The following TMEM161B variants were observed in gnomAD, a reference collection of about 807,000 sequenced individuals.
TMEM161B encodes transmembrane protein 161B.
In TMEM161B, 34 loss-of-function variants were observed where a neutral mutation model predicts 61.8. The ratio of observed to expected loss-of-function variants is 0.55; its 90% CI spans 0.42 to 0.73. The LOEUF is 0.73. TMEM161B is among the 30% of genes least tolerant of loss of function. TMEM161B has a pLI of 0.00. For missense variants in TMEM161B, 456 were observed against 558.5 expected, an observed-to-expected ratio of 0.82 and a Z score of 1.85; for synonymous variants, 167 against 192.8, an observed-to-expected ratio of 0.87 and a Z score of 1.11.
At chr5:88,252,851 A>G (rs1485911608) in intron 1 of TMEM161B, among the ~76,000 whole-genome samples, 1 of 152,190 alleles carries the variant, frequency 6.6e-6, no homozygotes, top group Non-Finnish European at 1.5e-5. Context: ...TTTGTCACTT[A>G]ACATACAGTG....
At chr5:88,233,921 C>A (rs1037100165) in intron 2 of TMEM161B, among the ~76,000 whole-genome samples, 1 of 151,610 alleles carries the variant, frequency 6.6e-6, no homozygotes, top group East Asian at 1.9e-4. Context: ...TTAATAAAAC[C>A]AACTAAAAAG....
intron 1 of TMEM161B, among the ~76,000 whole-genome samples, chr5:88,248,765 A>G (rs1753950537): frequency 6.6e-6 from 1 of 151,910 alleles, no homozygotes; most frequent in African/African-American, 2.4e-5. Context: ...ATCCAAGAAG[A>G]CAAAAAAGCT....
At chr5:88,267,151 T>A (rs1756484175) in intron 1 of TMEM161B, among the ~76,000 whole-genome samples, 1 of 152,218 alleles carries the variant, frequency 6.6e-6, no homozygotes, top group Non-Finnish European at 1.5e-5. Context: ...TAGTCCAGAC[T>A]GCCAAACTAC....
intron 4 of TMEM161B, among the ~76,000 whole-genome samples, chr5:88,223,658 C>T (rs970698471): frequency 2.0e-5 from 3 of 152,008 alleles, no homozygotes; most frequent in South Asian, 2.1e-4. Context: ...GAGGCCGAGG[C>T]GGGCAGATCA....
intron 5 of TMEM161B, among the ~76,000 whole-genome samples, chr5:88,211,280 T>C (rs1020082752): frequency 1.3e-5 from 2 of 152,004 alleles, no homozygotes; most frequent in African/African-American, 4.8e-5. Context: ...CATATTTTTA[T>C]TTAGAGATAT....
rs529870256 is a variant in TMEM161B, at chr5:88,239,063, T to C, written c.107+1750A>G. 5.5e-4 allele frequency among the ~76,000 whole-genome samples: 84 copies of C among 152,134 alleles called. 1 individual carries two copies. Among genetic ancestry groups the C allele is most frequent in the South Asian group, 2.5e-3 (12 of 4,826 alleles). Reference sequence around the variant, plus strand: ...CAATTTCGTGTTTCTTTTTAAAGGCTGAGCTTACTCTCAAATTATCTATGT... The same window carrying C: ...CAATTTCGTGTTTCTTTTTAAAGGCCGAGCTTACTCTCAAATTATCTATGT... On this transcript the variant is annotated intron_variant, in intron 2 of 11. Coordinates refer to ENST00000296595, the MANE Select transcript of TMEM161B (RefSeq NM_153354.5).
At chr5:88,234,520 G>A (rs1218231305) in intron 2 of TMEM161B, among the ~76,000 whole-genome samples, 1 of 152,068 alleles carries the variant, frequency 6.6e-6, no homozygotes, top group African/African-American at 2.4e-5. Context: ...ACATAGCATG[G>A]TTCCCAGCTA....
chr5:88,197,556 C>G (rs1197073842), intron 11 of TMEM161B, 113 bp downstream of exon 11: 2 of 937,412 alleles, frequency 2.1e-6, no homozygotes, highest in Non-Finnish European at 3.2e-6. Context: ...CTTTTTACAA[C>G]TTTTAAAAAG....
chr5:88,230,873 G>T (rs1750871648), intron 2 of TMEM161B, among the ~76,000 whole-genome samples: 1 of 152,164 alleles, frequency 6.6e-6, no homozygotes, highest in South Asian at 2.1e-4. Flanking sequence ...ATAGCTGCAG[G>T]ATGGAGCTGA....
chr5:88,237,392 T>C (rs1752028087), intron 2 of TMEM161B, among the ~76,000 whole-genome samples: 1 of 152,040 alleles, frequency 6.6e-6, no homozygotes, highest in South Asian at 2.1e-4. Flanking sequence ...GACTCCAAGG[T>C]AGCAGGGGGA....
intron 9 of TMEM161B, chr5:88,202,095 G>T (rs1251261217): frequency 2.2e-6 from 1 of 452,326 alleles, no homozygotes; most frequent in Admixed American, 2.4e-5. Flanking sequence ...TGATAACCTT[G>T]TGAGTTAGAT....
At chr5:88,204,003 A>G (rs902917592) in intron 8 of TMEM161B, among the ~76,000 whole-genome samples, 1 of 151,772 alleles carries the variant, frequency 6.6e-6, no homozygotes, top group Non-Finnish European at 1.5e-5. Context: ...TTCATTATCA[A>G]CCACACTTAA....
At chr5:88,199,698 C>T (rs1744010243) in intron 9 of TMEM161B, 1 of 152,106 alleles carries the variant, frequency 6.6e-6, no homozygotes, top group Non-Finnish European at 1.5e-5. Flanking sequence ...TTGAAGCTGG[C>T]TCGGTTCTGA....
downstream of TMEM161B, among the ~76,000 whole-genome samples, chr5:88,185,943 A>G (rs1231326990): frequency 6.6e-6 from 1 of 152,216 alleles, no homozygotes; most frequent in African/African-American, 2.4e-5. Context: ...TCTAATTCTC[A>G]AATTGGAGGG....
chr5:88,241,012 A>G, intron 1 of TMEM161B, 96 bp from the exon 2 acceptor site: 1 of 787,352 alleles, frequency 1.3e-6, no homozygotes, highest in Non-Finnish European at 1.9e-6. Flanking sequence ...TTACATTTTA[A>G]GAAAAATGAG....
At chr5:88,207,294 G>T (rs1745698539) in intron 5 of TMEM161B, 114 bp from the exon 6 acceptor site, 2 of 1,010,588 alleles carry the variant, frequency 2.0e-6, no homozygotes, top group Non-Finnish European at 2.8e-6. Flanking sequence ...TTTCCAAGTG[G>T]AGTTTAAAAC....
rs540916820 is a variant in TMEM161B at position 88,243,175 on chromosome 5, T to C, written c.4-2259A>G. Among the ~76,000 whole-genome samples the C allele has an allele frequency of 1.1e-4, 16 of 151,866 alleles. No homozygotes were observed. The South Asian group carries it at 3.3e-3, about 31-fold the overall frequency. ...TGTCACAGTGGTCTGGGGTACAAAT[T>C]ATTTCATCACCTAGGTAATGAGCAT... On this transcript the variant is annotated intron_variant, in intron 1 of 11. Transcript: ENST00000296595.
In TMEM161B at chr5:88,243,569, G is replaced by A. The variant is rs182131193; in HGVS notation, c.4-2653C>T. Among the ~76,000 whole-genome samples the A allele has an allele frequency of 1.4e-4, 21 of 152,010 alleles. No individual in the cohort carries two copies. In the East Asian group the frequency reaches 3.1e-3, roughly 22 times the overall value. ...CTGCAATGAACATACACATGCATGT[G>A]TGTTTACAGTAGAATGATTTATAGT... On this transcript the variant is annotated intron_variant, in intron 1 of 11. Transcript: ENST00000296595.
In TMEM161B at chr5:88,195,056, C is replaced by T; in HGVS notation, c.*1155G>A. 1.4e-6 allele frequency: 1 copy of T among 718,996 alleles called. No individual in the cohort carries two copies. Among genetic ancestry groups the T allele is most frequent in the Non-Finnish European group, 1.7e-6 (1 of 586,766 alleles). 44.5% of individuals were successfully genotyped at this position (718,996 alleles called of 1,614,324 possible). ...ACAAGTCCTATTTAACAAAGGCATA[C>T]ATGATACCTGTAGACCTGATTTGAG... On this transcript the variant is annotated 3_prime_UTR_variant, in exon 12 of 12. Transcript: ENST00000296595.
Sources: gnomAD v4.1 joint callset for allele counts (sites outside exome capture counted in the v4.1 genomes callset) on GRCh38, gnomAD v4.1.1 for gene constraint, MANE v1.5 for transcripts, NCBI Gene and HGNC (gene_info 2026-07-23, HGNC 2026-07-21) for gene names.